SEPTIN12: variants seen among roughly 807,000 people sequenced by gnomAD.
The protein encoded by SEPTIN12 is septin 12, also known as septin-12.
A neutral mutation model predicts 37.7 loss-of-function variants in SEPTIN12; 42 were observed. That is an observed-to-expected ratio of 1.11 (90% CI 0.87 to 1.44). The LOEUF is 1.44. SEPTIN12 is among the 40% of genes most tolerant of loss of function. The pLI is 0.00. For synonymous variants in SEPTIN12, 254 were observed against 196.7 expected, an observed-to-expected ratio of 1.29 and a Z score of -2.44; for missense variants, 613 against 479.2, an observed-to-expected ratio of 1.28 and a Z score of -2.61.
intron 2 of SEPTIN12, among the ~76,000 whole-genome samples, chr16:4,786,606 C>T (rs4389143): frequency 0.23 from 34,746 of 151,920 alleles, 4,333 homozygotes; most frequent in South Asian, 0.4. Context: ...CCGCCTGCCT[C>T]AGCCTCCCAA....
At position 4,777,790 on chromosome 16, in the gene SEPTIN12, C is replaced by G; in HGVS notation, c.*7G>C. 6.6e-7 allele frequency: 1 copy of G among 1,512,050 alleles called. No homozygotes were observed. The allele number at this position is 1,512,050 out of a possible 1,614,324, so 93.7% of individuals were successfully genotyped here. The stretch of plus-strand genomic sequence containing the variant: ...GGAAGCCCAGCAGCCCCGGGATCCG[C>G]CGGTGGTCAGAACTCATCATCAGAA... On this transcript the variant is annotated 3_prime_UTR_variant, in exon 10 of 10. Coordinates refer to ENST00000268231, the MANE Select transcript of SEPTIN12 (RefSeq NM_144605.5).
chr16:4,781,914 G>A (rs550851161), intron 7 of SEPTIN12, among the ~76,000 whole-genome samples: 138 of 140,152 alleles, frequency 9.8e-4, no homozygotes, highest in African/African-American at 3.7e-3. Context: ...AAAGTGCTGG[G>A]ATTACAGGTG....
chr16:4,784,068 G>T lies in SEPTIN12; in HGVS notation c.375C>A (p.Cys125Ter). The change falls in exon 5 of 10, where the codon TGC becomes TGA. Residue 125 changes from cysteine (C) to a stop codon, truncating the protein, a stop_gained and splice_region_variant. Coordinates refer to ENST00000268231, the MANE Select transcript of SEPTIN12 (RefSeq NM_144605.5). LOFTEE classifies it high-confidence loss of function. Reference sequence around the variant, plus strand: ...TGATGTAGCCCAGGATGGGGTCCCAGCTGAGGCGGGAGGTGGACCCTCCCC... The same window carrying T: ...TGATGTAGCCCAGGATGGGGTCCCATCTGAGGCGGGAGGTGGACCCTCCCC... The part of the protein sequence containing the change: ...GFGDQINNDN[C>*]WDPILGYINE... 1.2e-6 allele frequency: 2 copies of T among 1,614,016 alleles called. No homozygotes were observed. The highest frequency in any genetic ancestry group is 1.7e-6 in the Non-Finnish European group (2 of 1,179,972).
chr16:4,783,846 C>G, intron 5 of SEPTIN12, 80 bp from the exon 6 acceptor site: 1 of 1,600,660 alleles, frequency 6.2e-7, no homozygotes, highest in South Asian at 1.1e-5. Context: ...GGGGTGGGGG[C>G]AGCCGGCAGC....
chr16:4,786,055 T>G lies in SEPTIN12; in HGVS notation c.217A>C (p.Lys73Gln). ...CCCGGTGGGTTTGACTTCCACACTT[T>G]GGACTTGAACAGCGTGTTCACCATC... is the stretch of plus-strand genomic sequence containing the variant. Reference protein sequence around the residue: ...STMVNTLFKSKVWKSNPPGLG... With the variant: ...STMVNTLFKSQVWKSNPPGLG... The change falls in exon 3 of 10, where the codon AAA becomes CAA. Residue 73 changes from lysine to glutamine, a missense_variant. Coordinates refer to ENST00000268231, the MANE Select transcript of SEPTIN12 (RefSeq NM_144605.5). 2 of 1,614,012 alleles carry G rather than the reference T, an allele frequency of 1.2e-6. No individual in the cohort carries two copies. Among genetic ancestry groups the G allele is most frequent in the Non-Finnish European group, 1.7e-6 (2 of 1,179,968 alleles).
chr16:4,787,620 G>C lies in SEPTIN12; in HGVS notation c.26C>G (p.Ser9Cys). Residue 9 changes from serine (S) to cysteine (C), a missense_variant, in exon 2 of 10, where the codon TCT (serine) becomes TGT (cysteine). Transcript: ENST00000268231. Reference sequence around the variant, plus strand: ...GGAGGGCTGCGAGGACAGGCAGGGAGAGGGGGAGCGCCTCAGGGGGTCCAT... The same window carrying C: ...GGAGGGCTGCGAGGACAGGCAGGGACAGGGGGAGCGCCTCAGGGGGTCCAT... MDPLRRSP[S>C]PCLSSQPSSP... 1 of 1,599,310 alleles carries C rather than the reference G, an allele frequency of 6.3e-7. No individual in the cohort carries two copies. Among genetic ancestry groups the C allele is most frequent in the Non-Finnish European group, 8.5e-7 (1 of 1,177,550 alleles).
At position 4,783,939 on chromosome 16, in the gene SEPTIN12, A is replaced by G. The variant is rs922986581; in HGVS notation, c.504T>C (p.Thr168=). 2.5e-6 allele frequency: 4 copies of G among 1,614,002 alleles called. No homozygotes were observed. In the African/African-American group the frequency reaches 5.3e-5, roughly 22 times the overall value. ...VHCCVYFVPP[T]GHCLRPLDIE... ...AGGTGCAGCCCCCTCACCAGTGCCC[A>G]GTGGGTGGTACAAAGTACACGCAGC... The change falls in exon 5 of 10, where the codon ACT becomes ACC. Residue 168 remains threonine (T), a synonymous_variant. Transcript: ENST00000268231.
rs1356177377 is a variant in SEPTIN12, at chr16:4,783,737, T to C, written c.542A>G (p.Gln181Arg). Residue 181 changes from glutamine to arginine, a missense_variant, in exon 6 of 10, where the codon CAG becomes CGG. Gln to Arg is a conservative substitution (Grantham distance 43). Coordinates refer to ENST00000268231, the MANE Select transcript of SEPTIN12 (RefSeq NM_144605.5). ...CACATTCACAGTCCGGCACAGCCGC[T>C]GCAGGAACTCAATGTCCAGGGGCCG... ...CLRPLDIEFL[Q>R]RLCRTVNVVP... is the part of the protein sequence containing the mutation. 5.6e-6 allele frequency: 9 copies of C among 1,613,820 alleles called. No individual in the cohort carries two copies. Among genetic ancestry groups the C allele is most frequent in the Non-Finnish European group, 7.6e-6 (9 of 1,179,974 alleles).
chr16:4,783,355 G>C (rs2082393407), intron 7 of SEPTIN12, 107 bp downstream of exon 7: 1 of 877,878 alleles, frequency 1.1e-6, no homozygotes, highest in African/African-American at 1.6e-5. Context: ...TATCTGCTAG[G>C]AATATGTGCA....
At position 4,777,647 on chromosome 16, in the gene SEPTIN12, A is replaced by T. The variant is rs2082325446; in HGVS notation, c.*150T>A. The T allele has an allele frequency of 3.1e-6, 2 of 645,592 alleles. No individual in the cohort carries two copies. Among genetic ancestry groups the T allele is most frequent in the Non-Finnish European group, 5.3e-6 (2 of 374,636 alleles). 40.0% of individuals were successfully genotyped at this position (645,592 alleles called of 1,614,324 possible). A position where few individuals can be genotyped will look rare whatever the true frequency, so the allele number is the denominator to read the frequency against. ...AGCCTTTTTATTTGTGGATAGCTCA[A>T]AGAAGTCATTTACAAAATGCCTTTT... On this transcript the variant is annotated 3_prime_UTR_variant, in exon 10 of 10. Coordinates refer to ENST00000268231, the MANE Select transcript of SEPTIN12 (RefSeq NM_144605.5).
intron 7 of SEPTIN12, chr16:4,783,174 G>A: frequency 2.6e-6 from 1 of 390,248 alleles, no homozygotes; most frequent in Admixed American, 3.8e-5. Context: ...CTCCCAAACT[G>A]CTGGGATTAC....
chr16:4,783,686 C>A lies in SEPTIN12; in HGVS notation c.593G>T (p.Ser198Ile), dbSNP rs1383488899. Residue 198 changes from serine to isoleucine, a missense_variant, in exon 6 of 10, where the codon AGC (serine) becomes ATC (isoleucine). Ser to Ile is a moderately radical substitution (Grantham distance 142, BLOSUM62 -2). Coordinates refer to ENST00000268231, the MANE Select transcript of SEPTIN12 (RefSeq NM_144605.5). ...GGCCTCTCGCTCCTCCATGGTCAGG[C>A]TGTCGGCCCTGGCAATCACGGGCAC... ...NVVPVIARADSLTMEEREAFR... is the reference protein window; with the variant it reads ...NVVPVIARADILTMEEREAFR... 1.2e-6 allele frequency: 2 copies of A among 1,614,128 alleles called. No individual in the cohort carries two copies. The highest frequency in any genetic ancestry group is 1.7e-6 in the Non-Finnish European group (2 of 1,180,026).
upstream of SEPTIN12, chr16:4,789,960 G>C (rs1350513434): frequency 6.8e-6 from 1 of 147,604 alleles, no homozygotes; most frequent in Non-Finnish European, 1.5e-5. Context: ...TGTCACCCAA[G>C]TTGGAGTGCA....
intron 4 of SEPTIN12, among the ~76,000 whole-genome samples, chr16:4,785,239 G>C (rs909314728): frequency 1.4e-5 from 2 of 143,764 alleles, no homozygotes; most frequent in Admixed American, 7.2e-5. Context: ...TGACAAGAGC[G>C]AGTCTGTCTT....
At chr16:4,789,412 G>A (rs112214923), upstream of SEPTIN12, among the ~76,000 whole-genome samples, 291 of 151,022 alleles carry the variant, frequency 1.9e-3, 1 homozygote, top group Non-Finnish European at 2.8e-3. Context: ...TGTAAGCTCT[G>A]CCTCCCGGGT....
intron 4 of SEPTIN12, 180 bp from the exon 5 acceptor site, chr16:4,784,248 G>C: frequency 1.6e-6 from 1 of 626,114 alleles, no homozygotes; most frequent in South Asian, 1.9e-5. Flanking sequence ...GACACACAGG[G>C]AGACCTCCTG....
chr16:4,786,127 C>T (rs972352154), intron 2 of SEPTIN12, 22 bp from the exon 3 acceptor site: 1 of 1,584,202 alleles, frequency 6.3e-7, no homozygotes, highest in Non-Finnish European at 8.6e-7. Flanking sequence ...AACCGGATGA[C>T]AGCAGTTAGG....
rs1263995491 is a variant in SEPTIN12 at position 4,786,246 on chromosome 16, T to C, written c.167-141A>G. The C allele has an allele frequency of 2.9e-5, 33 of 1,144,886 alleles. 1 individual carries two copies. The South Asian group carries it at 5.3e-4, about 18-fold the overall frequency. The allele number at this position is 1,144,886 out of a possible 1,614,324, so 70.9% of individuals were successfully genotyped here. On this transcript the variant is annotated intron_variant, in intron 2 of 9. Transcript: ENST00000268231. ...TGGAGTGCAATGATGCAATCCCCGT[T>C]CACTGCAGCCTCGACCTTCCCAGAC...
At chr16:4,789,555 T>C (rs926154586), upstream of SEPTIN12, among the ~76,000 whole-genome samples, 1 of 152,162 alleles carries the variant, frequency 6.6e-6, no homozygotes, top group African/African-American at 2.4e-5. Flanking sequence ...CTCGATCTCC[T>C]GATCTCGTGA....
Sources: gnomAD v4.1 joint callset for allele counts (sites outside exome capture counted in the v4.1 genomes callset) on GRCh38, gnomAD v4.1.1 for gene constraint, MANE v1.5 for transcripts, NCBI Gene and HGNC (gene_info 2026-07-23, HGNC 2026-07-21) for gene names.